Variants in DAAM1 observed in about 807,000 individuals in gnomAD.
The protein encoded by DAAM1 is disheveled-associated activator of morphogenesis 1.
A neutral mutation model predicts 130.0 loss-of-function variants in DAAM1; 52 were observed. The ratio of observed to expected loss-of-function variants is 0.40; its 90% CI spans 0.32 to 0.50. The LOEUF (loss-of-function observed/expected upper bound fraction) is 0.50. Among genes scored for constraint, DAAM1 ranks in the 20% least tolerant of loss-of-function variants. The probability of loss-of-function intolerance (pLI) is 0.61; values close to 1 mark genes in which losing one functional copy is unlikely to be tolerated. For synonymous variants in DAAM1, 452 were observed against 444.5 expected, an observed-to-expected ratio of 1.02 and a Z score of -0.21; for missense variants, 1,134 against 1,303.8, an observed-to-expected ratio of 0.87 and a Z score of 2.01.
At chr14:59,258,336 G>A (rs1277866541) in intron 1 of DAAM1, among the ~76,000 whole-genome samples, 1 of 152,192 alleles carries the variant, frequency 6.6e-6, no homozygotes, top group Admixed American at 6.5e-5. Context: ...ATTGGGAGAT[G>A]GGGGCTGGAA....
At position 59,323,169 on chromosome 14, in the gene DAAM1, G is replaced by A; in HGVS notation, c.718G>A (p.Val240Ile). ...CCTGGTTCCCGGGGGCCACAAGAAG[G>A]TTCTGCAGGCCATGCTGCACTACCA... The part of the protein sequence containing the change: ...VCLVPGGHKK[V>I]LQAMLHYQKY... Residue 240 changes from valine (V) to isoleucine (I), a missense_variant, in exon 6 of 25, where the codon GTT (valine) becomes ATT (isoleucine). Physicochemically the swap from Val to Ile is conservative, Grantham distance 29 (BLOSUM62 3). Around this residue, in one of 3 missense-constraint regions of DAAM1, gnomAD observed 391 missense variants for 521.6 expected, o/e 0.75. Transcript: ENST00000360909. 6.2e-7 allele frequency: 1 copy of A among 1,613,806 alleles called. No homozygotes were observed. Among genetic ancestry groups the A allele is most frequent in the Non-Finnish European group, 8.5e-7 (1 of 1,179,890 alleles).
At chr14:59,267,902 C>G (rs1360680741) in intron 2 of DAAM1, among the ~76,000 whole-genome samples, 1 of 113,636 alleles carries the variant, frequency 8.8e-6, no homozygotes, top group African/African-American at 3.5e-5. Context: ...ACGCCCCCCC[C>G]TTTTTTTTTT....
At chr14:59,358,434 G>A (rs1351096972) in intron 20 of DAAM1, among the ~76,000 whole-genome samples, 1 of 152,200 alleles carries the variant, frequency 6.6e-6, no homozygotes, top group East Asian at 1.9e-4. Context: ...ATTAGGAAGT[G>A]GATTCAGGGC....
At chr14:59,284,196 C>G (rs541608164) in intron 2 of DAAM1, among the ~76,000 whole-genome samples, 1 of 151,996 alleles carries the variant, frequency 6.6e-6, no homozygotes, top group Non-Finnish European at 1.5e-5. Flanking sequence ...AGGCTATAGC[C>G]AGAAGCCAAG....
Position 59,369,665 on chromosome 14 carries a change from C to T in DAAM1, c.*806C>T, listed in dbSNP as rs1179240701. On this transcript the variant is annotated 3_prime_UTR_variant, in exon 25 of 25. Coordinates refer to ENST00000360909, the MANE Select transcript of DAAM1 (RefSeq NM_001270520.2). ...ACAACATTGCCAGAGTATGCTTGTT[C>T]TAACAATATAGATATATAAACCTTA... The T allele has an allele frequency of 7.0e-6, 1 of 142,394 alleles. No individual in the cohort carries two copies. The highest frequency in any genetic ancestry group is 2.6e-5 in the African/African-American group (1 of 38,378). The allele number at this position is 142,394 out of a possible 1,614,324, so 8.8% of individuals were successfully genotyped here. A position where few individuals can be genotyped will look rare whatever the true frequency, so the allele number is the denominator to read the frequency against.
At chr14:59,241,128 G>A (rs1881098075) in intron 1 of DAAM1, among the ~76,000 whole-genome samples, 1 of 152,176 alleles carries the variant, frequency 6.6e-6, no homozygotes, top group African/African-American at 2.4e-5. Flanking sequence ...GTGTACTGCA[G>A]GCGGAATGAG....
intron 18 of DAAM1, 142 bp from the exon 19 acceptor site, chr14:59,353,734 T>G: frequency 8.9e-5 from 67 of 751,596 alleles, no homozygotes; most frequent in Non-Finnish European, 1.3e-4. Flanking sequence ...TTCCTGTCCA[T>G]GAGAACAACT....
chr14:59,303,264 A>G (rs1254508365), intron 3 of DAAM1, among the ~76,000 whole-genome samples: 1 of 152,174 alleles, frequency 6.6e-6, no homozygotes, highest in Non-Finnish European at 1.5e-5. Flanking sequence ...ACTCAGAGTG[A>G]GTTTCTTTGC....
intron 3 of DAAM1, among the ~76,000 whole-genome samples, chr14:59,305,889 G>C (rs1041516110): frequency 2.0e-5 from 3 of 152,176 alleles, no homozygotes; most frequent in Non-Finnish European, 4.4e-5. Flanking sequence ...ATTTTTACCA[G>C]TGTAAATAAA....
At chr14:59,367,631 T>A (rs1357318758) in intron 24 of DAAM1, 32 bp downstream of exon 24, 1 of 1,597,716 alleles carries the variant, frequency 6.3e-7, no homozygotes, top group African/African-American at 1.4e-5. Context: ...CAATTCCACC[T>A]CCTAGAAGTT....
At chr14:59,256,442 C>T (rs530285352) in intron 1 of DAAM1, among the ~76,000 whole-genome samples, 1 of 152,356 alleles carries the variant, frequency 6.6e-6, no homozygotes, top group Admixed American at 6.5e-5. Context: ...GGATTTCTTA[C>T]TCTTTGCTAA....
intron 1 of DAAM1, among the ~76,000 whole-genome samples, chr14:59,231,458 A>G (rs1889104207): frequency 6.6e-6 from 1 of 152,208 alleles, no homozygotes; most frequent in Admixed American, 6.5e-5. Flanking sequence ...AGATTTGTTG[A>G]TGCTTGCGAA....
chr14:59,199,238 T>C lies in DAAM1; in HGVS notation c.-38+10470T>C, dbSNP rs986358337. ...ACTCGACAGAGTCTTTTGGTGATCA[T>C]ACAGTTCTGTTTAAATTGATCATCA... On this transcript the variant is annotated intron_variant, in intron 1 of 24. Transcript: ENST00000360909. Among the ~76,000 whole-genome samples the C allele has an allele frequency of 3.3e-4, 51 of 152,260 alleles. 1 individual carries two copies. The highest frequency in any genetic ancestry group is 2.5e-4 in the Non-Finnish European group (17 of 68,036).
Position 59,220,596 on chromosome 14 carries a change from C to CGCCATCT in DAAM1, c.-38+31838_-38+31844dup, listed in dbSNP as rs543733304. On this transcript the variant is annotated intron_variant, in intron 1 of 24. Transcript: ENST00000360909. ...TTATTGTAGGAAGGCCAAGGAGTCCCGCCATCTGCCATCTGCAAGCTGGAG... is the reference window on the plus strand; with the variant it reads ...TTATTGTAGGAAGGCCAAGGAGTCCCGCCATCTGCCATCTGCCATCTGCAAGCTGGAG... 2.1e-3 allele frequency among the ~76,000 whole-genome samples: 318 copies of CGCCATCT among 152,232 alleles called. 1 individual carries two copies. The highest frequency in any genetic ancestry group is 7.5e-3 in the African/African-American group (310 of 41,524).
At chr14:59,359,174 T>A (rs185023236) in intron 20 of DAAM1, 2 of 394,268 alleles carry the variant, frequency 5.1e-6, no homozygotes, top group East Asian at 8.0e-5. Flanking sequence ...TTGACATATA[T>A]CTATGCAATC....
intron 1 of DAAM1, among the ~76,000 whole-genome samples, chr14:59,253,260 T>C (rs1189126625): frequency 6.6e-6 from 1 of 152,266 alleles, no homozygotes; most frequent in African/African-American, 2.4e-5. Context: ...GAGCTGTTAT[T>C]TGAACTTGTG....
chr14:59,338,754 GT>G (rs1489875339), intron 15 of DAAM1, among the ~76,000 whole-genome samples: 1 of 151,238 alleles, frequency 6.6e-6, no homozygotes, highest in Non-Finnish European at 1.5e-5. Flanking sequence ...TTATATAATT[GT>G]TTTTTTCCTC....
At chr14:59,270,358 G>A (rs563892517) in intron 2 of DAAM1, among the ~76,000 whole-genome samples, 6 of 152,196 alleles carry the variant, frequency 3.9e-5, no homozygotes, top group African/African-American at 4.8e-5. Context: ...CAGAGATCAC[G>A]TGGCCAGAGA....
At position 59,368,796 on chromosome 14, in the gene DAAM1, A is replaced by G; in HGVS notation, c.3144A>G (p.Lys1048=). 6.2e-7 allele frequency: 1 copy of G among 1,614,000 alleles called. No homozygotes were observed. The highest frequency in any genetic ancestry group is 8.5e-7 in the Non-Finnish European group (1 of 1,179,932). ...TTTCTAAATTGAAACGGAATCGCAA[A>G]CGTATTACCAACCAGATGACTGACA... The part of the protein sequence containing the change: ...KDLSKLKRNR[K]RITNQMTDSS... Residue 1048 remains lysine (K), a synonymous_variant, in exon 25 of 25, where the codon AAA becomes AAG. Transcript: ENST00000360909.
Sources: gnomAD v4.1 joint callset for allele counts (sites outside exome capture counted in the v4.1 genomes callset) on GRCh38, gnomAD v4.1.1 for gene constraint, gnomAD v4.1.1 regional missense constraint, MANE v1.5 for transcripts, NCBI Gene and HGNC (gene_info 2026-07-23, HGNC 2026-07-21) for gene names.